Variants in NIT2 observed in about 807,000 individuals in gnomAD.
NIT2 encodes the protein nitrilase family member 2, also known as omega-amidase NIT2.
In NIT2, 46 loss-of-function variants were observed where a neutral mutation model predicts 42.7. The ratio of observed to expected loss-of-function variants is 1.08; its 90% CI spans 0.85 to 1.38. The LOEUF (loss-of-function observed/expected upper bound fraction) is 1.38, where lower values mean the gene tolerates loss of function less well. Among genes scored for constraint, NIT2 ranks in the 40% most tolerant of loss-of-function variants. NIT2 has a pLI of 0.00. For missense variants in NIT2, 309 were observed against 342.5 expected (o/e 0.90, Z 0.77); for synonymous variants, 123 against 121.9 (o/e 1.01, Z -0.06).
chr3:100,358,858 T>C lies in NIT2; in HGVS notation c.*3590T>C, dbSNP rs1283910093. 1 of 152,248 alleles carries C rather than the reference T, an allele frequency of 6.6e-6. No individual in the cohort carries two copies. Among genetic ancestry groups the C allele is most frequent in the Non-Finnish European group, 1.5e-5 (1 of 68,046 alleles). The allele number at this position is 152,248 out of a possible 1,614,324, so 9.4% of individuals were successfully genotyped here. On this transcript the variant is annotated 3_prime_UTR_variant, in exon 10 of 10. Transcript: ENST00000394140. The stretch of plus-strand genomic sequence containing the variant: ...GGCACTGGTTTTAAGTCTTTTGTGC[T>C]ACTTTTTAGGCATTGCTGTGTAAGT...
chr3:100,340,022 ACTTGGGAAGCTTCAG>A lies in NIT2; in HGVS notation c.247+99_247+113del, dbSNP rs1706131312. 4.4e-6 allele frequency: 5 copies of A among 1,144,470 alleles called. No homozygotes were observed. In the South Asian group the frequency reaches 8.9e-5, roughly 20 times the overall value. 70.9% of individuals were successfully genotyped at this position (1,144,470 alleles called of 1,614,324 possible). On this transcript the variant is annotated intron_variant, in intron 3 of 9. Transcript: ENST00000394140. ...GTGGTGGCGTGCGCCTGTATTCCCT[ACTTGGGAAGCTTCAG>A]CTTGGGAAGCTGAAGCAGAGAGTTT...
chr3:100,355,029 G>A, intron 9 of NIT2, 148 bp from the exon 10 acceptor site: 1 of 723,726 alleles, frequency 1.4e-6, no homozygotes, highest in Non-Finnish European at 2.3e-6. Context: ...GGTTTGAAAT[G>A]ATGCCAGGCC....
chr3:100,345,832 G>A, intron 5 of NIT2, 154 bp downstream of exon 5: 2 of 632,092 alleles, frequency 3.2e-6, no homozygotes, highest in Non-Finnish European at 2.8e-6. Context: ...GGAAAGTTCG[G>A]GCTTATTTGA....
intron 8 of NIT2, among the ~76,000 whole-genome samples, chr3:100,354,486 C>T (rs1190705794): frequency 2.0e-5 from 3 of 152,196 alleles, no homozygotes; most frequent in African/African-American, 7.2e-5. Flanking sequence ...AGATAACCAC[C>T]GTCTCCTAGT....
chr3:100,360,230 C>T lies in NIT2; in HGVS notation c.*4962C>T, dbSNP rs776700684. On this transcript the variant is annotated 3_prime_UTR_variant, in exon 10 of 10. Transcript: ENST00000394140. ...AGTCTGATCTGGGAAGAGCCTGGGA[C>T]GTGATGTAACTTCATATGCTGTAGA... is the stretch of plus-strand genomic sequence containing the variant. The T allele has an allele frequency of 6.6e-6, 1 of 152,192 alleles. No homozygotes were observed. The highest frequency in any genetic ancestry group is 2.4e-5 in the African/African-American group (1 of 41,446). 9.4% of individuals were successfully genotyped at this position (152,192 alleles called of 1,614,324 possible).
At chr3:100,348,704 A>G in intron 6 of NIT2, 99 bp from the exon 7 acceptor site, 1 of 866,290 alleles carries the variant, frequency 1.2e-6, no homozygotes, top group Non-Finnish European at 1.9e-6. Context: ...TGTTTGGGAA[A>G]GTTTGAGTTC....
chr3:100,339,756 A>G (rs1706126525), intron 2 of NIT2, 59 bp from the exon 3 acceptor site: 2 of 1,554,106 alleles, frequency 1.3e-6, no homozygotes, highest in Non-Finnish European at 1.7e-6. Context: ...CTCTTACAGC[A>G]GAACTTTAAA....
chr3:100,355,330 C>A lies in NIT2; in HGVS notation c.*62C>A. ...ATGATTCTACAACATAATCAACTCCCTATTAAATTCTTTAATGAAGATTTT... is the reference window on the plus strand; with the variant it reads ...ATGATTCTACAACATAATCAACTCCATATTAAATTCTTTAATGAAGATTTT... On this transcript the variant is annotated 3_prime_UTR_variant, in exon 10 of 10. Transcript: ENST00000394140. 3.2e-6 allele frequency: 4 copies of A among 1,251,218 alleles called. No individual in the cohort carries two copies. In the South Asian group the frequency reaches 5.3e-5, roughly 17 times the overall value. 77.5% of individuals were successfully genotyped at this position (1,251,218 alleles called of 1,614,324 possible).
intron 9 of NIT2, among the ~76,000 whole-genome samples, 163 bp downstream of exon 9, chr3:100,354,990 G>A (rs1293250859): frequency 6.6e-6 from 1 of 152,152 alleles, no homozygotes; most frequent in Non-Finnish European, 1.5e-5. Context: ...AATCCCTGGG[G>A]AGTGTATCAG....
rs1706282673 is a variant in NIT2, at chr3:100,352,309, A to G, written c.585-95A>G. ...TTCTACATCTGAGTTAGCCTGAACT[A>G]TCCTATTTTTTAAAAGAAGGATCTA... On this transcript the variant is annotated intron_variant, in intron 7 of 9. Transcript: ENST00000394140. 4.3e-6 allele frequency: 4 copies of G among 925,088 alleles called. No individual in the cohort carries two copies. In the Admixed American group the frequency reaches 5.7e-5, roughly 13 times the overall value. The allele number at this position is 925,088 out of a possible 1,614,324, so 57.3% of individuals were successfully genotyped here.
chr3:100,350,577 G>C (rs1706263301), intron 7 of NIT2, among the ~76,000 whole-genome samples: 1 of 152,144 alleles, frequency 6.6e-6, no homozygotes, highest in African/African-American at 2.4e-5. Context: ...TTGTGTGGGG[G>C]CTGTCCTGTG....
intron 1 of NIT2, 50 bp downstream of exon 1, chr3:100,334,848 G>A: frequency 7.7e-7 from 1 of 1,292,936 alleles, no homozygotes; most frequent in Non-Finnish European, 9.8e-7. Flanking sequence ...CGCGGGGGAG[G>A]CTTTGGAGCG....
Position 100,337,943 on chromosome 3 carries a change from T to C in NIT2, c.8-1144T>C, listed in dbSNP as rs558754938. ...AAAATTAGCCCGGCATGGTGGTGCATACCTGTGGTCCCAGCTACATAAGAG... is the reference window on the plus strand; with the variant it reads ...AAAATTAGCCCGGCATGGTGGTGCACACCTGTGGTCCCAGCTACATAAGAG... On this transcript the variant is annotated intron_variant, in intron 1 of 9. Transcript: ENST00000394140. 1.4e-4 allele frequency among the ~76,000 whole-genome samples: 22 copies of C among 152,220 alleles called. No individual in the cohort carries two copies. In the East Asian group the frequency reaches 4.3e-3, roughly 30 times the overall value.
chr3:100,338,940 C>G lies in NIT2; in HGVS notation c.8-147C>G, dbSNP rs192435932. On this transcript the variant is annotated intron_variant, in intron 1 of 9. Coordinates refer to ENST00000394140, the MANE Select transcript of NIT2 (RefSeq NM_020202.5). ...TCTATTCATTAGATGCCACTCATAC[C>G]TCATCAGTTGTGGCATCAAAGGTAT... 3.7e-4 allele frequency: 256 copies of G among 687,850 alleles called. 1 individual carries two copies. In the African/African-American group the frequency reaches 4.1e-3, roughly 11 times the overall value. 42.6% of individuals were successfully genotyped at this position (687,850 alleles called of 1,614,324 possible).
rs1283257222 is a variant in NIT2, at chr3:100,334,869, T to TGGCTCGGCC, written c.7+77_7+85dup. 3.2e-6 allele frequency: 4 copies of TGGCTCGGCC among 1,248,262 alleles called. No homozygotes were observed. The African/African-American group carries it at 4.6e-5, about 14-fold the overall frequency. The allele number at this position is 1,248,262 out of a possible 1,614,324, so 77.3% of individuals were successfully genotyped here. On this transcript the variant is annotated intron_variant, in intron 1 of 9. Coordinates refer to ENST00000394140, the MANE Select transcript of NIT2 (RefSeq NM_020202.5). ...GGAGGCTTTGGAGCGGCGCCGGCGG[T>TGGCTCGGCC]GGCTCGGCCGGCTCAGCCCCTCCGC...
chr3:100,347,088 TG>T (rs1706225590), intron 6 of NIT2, among the ~76,000 whole-genome samples: 1 of 152,002 alleles, frequency 6.6e-6, no homozygotes, highest in South Asian at 2.1e-4. Flanking sequence ...TGTTTTTTTT[TG>T]TTTGTTTGTT....
rs773626819 is a variant in NIT2, at chr3:100,339,156, G to T, written c.77G>T (p.Ser26Ile). ...TCAGATAACGTCACTCGCGCTTGTA[G>T]CTTCATCCGGGAGGCAGCAACGCAA... ...IKSDNVTRAC[S>I]FIREAATQGA... Residue 26 changes from serine (S) to isoleucine (I), a missense_variant, in exon 2 of 10, where the codon AGC (serine) becomes ATC (isoleucine). Physicochemically the swap from Ser to Ile is moderately radical, Grantham distance 142. Transcript: ENST00000394140. 1 of 1,614,076 alleles carries T rather than the reference G, an allele frequency of 6.2e-7. No individual in the cohort carries two copies. The highest frequency in any genetic ancestry group is 8.5e-7 in the Non-Finnish European group (1 of 1,180,000).
chr3:100,354,964 G>A (rs1194886217), intron 9 of NIT2, 137 bp downstream of exon 9: 2 of 848,578 alleles, frequency 2.4e-6, no homozygotes, highest in Admixed American at 2.5e-5. Context: ...ATATTCTAGG[G>A]TCTGGTTCTC....
At chr3:100,341,034 A>G (rs376695049) in intron 3 of NIT2, 39 bp from the exon 4 acceptor site, 34 of 1,399,894 alleles carry the variant, frequency 2.4e-5, no homozygotes, top group Non-Finnish European at 3.1e-5. Context: ...GAATTGCTCT[A>G]TTCTTTTTCT....
Sources: gnomAD v4.1 joint callset for allele counts (sites outside exome capture counted in the v4.1 genomes callset) on GRCh38, gnomAD v4.1.1 for gene constraint, MANE v1.5 for transcripts, NCBI Gene and HGNC (gene_info 2026-07-23, HGNC 2026-07-21) for gene names.